ITFG2: variants seen among roughly 807,000 people sequenced by gnomAD.
ITFG2 encodes the protein integrin alpha FG-GAP repeat containing 2, also known as KICSTOR complex protein ITFG2.
In ITFG2, 36 loss-of-function variants were observed where a neutral mutation model predicts 54.4. That is an observed-to-expected ratio of 0.66 (90% CI 0.51 to 0.87). ITFG2 has a LOEUF of 0.87. ITFG2 is among the 40% of genes least tolerant of loss of function. The pLI is 0.00. For missense variants in ITFG2, 524 were observed against 576.7 expected (o/e 0.91, Z 0.94); for synonymous variants, 211 against 225.4 (o/e 0.94, Z 0.57).
chr12:2,824,112 T>TCGTG lies in ITFG2; in HGVS notation c.1265_1268dup (p.Leu424CysfsTer32). The TCGTG allele has an allele frequency of 3.1e-6, 5 of 1,614,116 alleles. No individual in the cohort carries two copies. Among genetic ancestry groups the TCGTG allele is most frequent in the Non-Finnish European group, 4.2e-6 (5 of 1,180,032 alleles). On this transcript the variant is annotated frameshift_variant, in exon 12 of 12. Coordinates refer to ENST00000228799, the MANE Select transcript of ITFG2 (RefSeq NM_018463.4). LOFTEE classifies it high-confidence loss of function. ...CAGATCCTGACGACCTCCCTGTGAC[T>TCGTG]CGTGCCCTGCTTCACCAAACGCTCT...
At chr12:2,854,865 G>A in intron 2 of ITFG2, 1 of 1,511,334 alleles carries the variant, frequency 6.6e-7, no homozygotes, top group Non-Finnish European at 8.8e-7. Context: ...AGGGCAGGCT[G>A]GGTGGGCTCC....
chr12:2,857,000 G>A (rs775904965), intron 2 of ITFG2: 160 of 702,870 alleles, frequency 2.3e-4, no homozygotes, highest in South Asian at 2.2e-3. Context: ...TGGGCCCTCT[G>A]AGTGATCTTT....
chr12:2,818,605 G>C (rs1010811871), intron 4 of ITFG2: 1 of 404,338 alleles, frequency 2.5e-6, no homozygotes, highest in Non-Finnish European at 4.7e-6. Flanking sequence ...CCAGGCTGTA[G>C]TGAGCTATGA....
rs192878273 is a variant in ITFG2, at chr12:2,844,014, C to G, written n.300+3019C>G. ...GTGGCTCACGCCTGTAATCCCAGGA[C>G]TTTGGGAGGCCAAAGAGGGAGGACT... On this transcript the variant is annotated intron_variant and non_coding_transcript_variant, in intron 2 of 3. Transcript: ENST00000537710. Among the ~76,000 whole-genome samples the G allele has an allele frequency of 4.0e-4, 59 of 147,504 alleles. 1 individual carries two copies. The highest frequency in any genetic ancestry group is 1.1e-3 in the Admixed American group (16 of 14,626).
chr12:2,840,038 C>T (rs1227870496), intron 1 of ITFG2, among the ~76,000 whole-genome samples: 1 of 151,682 alleles, frequency 6.6e-6, no homozygotes, highest in African/African-American at 2.4e-5. Flanking sequence ...TCAAGAGAAG[C>T]CCAGACCTGA....
upstream of ITFG2, among the ~76,000 whole-genome samples, chr12:2,832,515 T>G (rs2098008650): frequency 6.6e-6 from 1 of 151,990 alleles, no homozygotes; most frequent in Non-Finnish European, 1.5e-5. Flanking sequence ...AGGTTGTATC[T>G]TAAGTTTGAG....
At position 2,821,546 on chromosome 12, in the gene ITFG2, A is replaced by C; in HGVS notation, c.797A>C (p.His266Pro). 1 of 1,614,110 alleles carries C rather than the reference A, an allele frequency of 6.2e-7. No individual in the cohort carries two copies. The highest frequency in any genetic ancestry group is 1.1e-5 in the South Asian group (1 of 91,076). ...THLIGNIKQGHGTESSGSGLF... is the reference protein window; with the variant it reads ...THLIGNIKQGPGTESSGSGLF... Reference sequence around the variant, plus strand: ...ATTCTTCCTCTGGTCCTCACAGGCCACGGCACTGAGAGTAGTGGCTCTGGC... The same window carrying C: ...ATTCTTCCTCTGGTCCTCACAGGCCCCGGCACTGAGAGTAGTGGCTCTGGC... The change falls in exon 8 of 12, where the codon CAC (histidine) becomes CCC (proline). Residue 266 changes from histidine to proline, a missense_variant. Transcript: ENST00000228799.
At chr12:2,835,884 TTTATTC>T (rs1161195516), upstream of ITFG2, among the ~76,000 whole-genome samples, 3 of 152,206 alleles carry the variant, frequency 2.0e-5, no homozygotes, top group African/African-American at 7.2e-5. Context: ...ACTCACTGTA[TTTATTC>T]TTCTGCAATC....
chr12:2,816,211 A>T (rs1405524432), intron 1 of ITFG2, among the ~76,000 whole-genome samples: 1 of 149,798 alleles, frequency 6.7e-6, no homozygotes, highest in Non-Finnish European at 1.5e-5. Context: ...TTGTATTTTT[A>T]GTACAAACGG....
At chr12:2,820,666 C>T (rs1386075686) in intron 5 of ITFG2, 58 bp from the exon 6 acceptor site, 10 of 878,978 alleles carry the variant, frequency 1.1e-5, no homozygotes, top group Non-Finnish European at 1.7e-5. Flanking sequence ...CTGCCGTTCT[C>T]TGCAGGGACC....
At chr12:2,832,981 A>G (rs915122340), upstream of ITFG2, among the ~76,000 whole-genome samples, 2 of 150,926 alleles carry the variant, frequency 1.3e-5, no homozygotes, top group African/African-American at 4.9e-5. Flanking sequence ...CCCATCTTCC[A>G]CCTTCCCACG....
downstream of ITFG2, among the ~76,000 whole-genome samples, chr12:2,829,561 G>C (rs543891982): frequency 2.0e-5 from 3 of 152,072 alleles, no homozygotes; most frequent in East Asian, 5.8e-4. Context: ...ATCGCTTGAG[G>C]CCAGGAGTTC....
rs755881424 is a variant in ITFG2 at position 2,821,793 on chromosome 12, G to A, written c.948+1G>A. 35 of 1,611,378 alleles carry A rather than the reference G, an allele frequency of 2.2e-5. No homozygotes were observed. Among genetic ancestry groups the A allele is most frequent in the Non-Finnish European group, 2.9e-5 (34 of 1,177,772 alleles). On this transcript the variant is annotated splice_donor_variant, in intron 9 of 11. Transcript: ENST00000228799. LOFTEE classifies it high-confidence loss of function. ...TGCCCTGGAGAAACTGGATGTCACC[G>A]TGAGTGGAAAACCTGGCAGAGCAGA...
chr12:2,834,728 T>A (rs754808848), upstream of ITFG2: 1 of 1,614,024 alleles, frequency 6.2e-7, no homozygotes, highest in Admixed American at 1.7e-5. Context: ...GTGGCCTGTT[T>A]GAGCCGGCGC....
chr12:2,827,950 C>CA, downstream of ITFG2: 1 of 1,614,216 alleles, frequency 6.2e-7, no homozygotes, highest in African/African-American at 1.3e-5. This position sits in a 1 kb window ranked among gnomAD's most constrained non-coding sequence, Gnocchi z 4.0. Flanking sequence ...GAGCACACCA[C>CA]AGTCTCCTGC....
intron 2 of ITFG2, among the ~76,000 whole-genome samples, chr12:2,846,394 G>GC: frequency 6.6e-6 from 1 of 152,234 alleles, no homozygotes; most frequent in East Asian, 1.9e-4. Flanking sequence ...CTCTAACCAT[G>GC]CCCAGGGCCT....
chr12:2,852,177 T>A (rs1046411979), intron 2 of ITFG2, among the ~76,000 whole-genome samples: 4 of 152,208 alleles, frequency 2.6e-5, no homozygotes, highest in Admixed American at 1.3e-4. Flanking sequence ...ACCTAATTCC[T>A]TGTCTGAGAC....
At chr12:2,820,535 T>C (rs1337972842) in intron 5 of ITFG2, among the ~76,000 whole-genome samples, 189 bp from the exon 6 acceptor site, 1 of 151,938 alleles carries the variant, frequency 6.6e-6, no homozygotes, top group African/African-American at 2.4e-5. Flanking sequence ...GAGAGGACGG[T>C]GCCAGGCAGG....
rs577767313 is a variant in ITFG2 at position 2,842,698 on chromosome 12, C to T, written n.300+1703C>T. ...AGCGAGCCAAGATCATGCCATTGCA[C>T]TCCAGCCTGGGTTACAGAGTGAGAC... On this transcript the variant is annotated intron_variant and non_coding_transcript_variant, in intron 2 of 3. Coordinates refer to the ITFG2 transcript ENST00000537710. Among the ~76,000 whole-genome samples, 46 of 152,270 alleles carry T rather than the reference C, an allele frequency of 3.0e-4. No individual in the cohort carries two copies. In the South Asian group the frequency reaches 9.1e-3, roughly 30 times the overall value.
Sources: gnomAD v4.1 joint callset for allele counts (sites outside exome capture counted in the v4.1 genomes callset) on GRCh38, gnomAD v4.1.1 for gene constraint, Gnocchi (gnomAD v3.1) non-coding constraint, MANE v1.5 for transcripts, NCBI Gene and HGNC (gene_info 2026-07-23, HGNC 2026-07-21) for gene names.